The following KIAA0040 variants were observed in gnomAD, a reference collection of about 807,000 sequenced individuals.
KIAA0040 encodes KIAA0040.
KIAA0040 carries 10 observed loss-of-function variants against 7.2 expected under a neutral mutation model. That is an observed-to-expected ratio of 1.38 (90% CI 0.85 to 2.34). The LOEUF is 2.34. Among genes scored for constraint, KIAA0040 ranks in the 30% most tolerant of loss-of-function variants. The pLI is 0.00. For missense variants in KIAA0040, 89 were observed against 108.2 expected, an observed-to-expected ratio of 0.82 and a Z score of 0.79; for synonymous variants, 49 against 40.1, an observed-to-expected ratio of 1.22 and a Z score of -0.84.
chr1:175,189,461 C>T (rs558370513), intron 1 of KIAA0040, among the ~76,000 whole-genome samples: 1 of 152,314 alleles, frequency 6.6e-6, no homozygotes, highest in Non-Finnish European at 1.5e-5. Context: ...GTGCAGTACA[C>T]AACCTGCACA....
chr1:175,165,879 T>C (rs1676741736), intron 3 of KIAA0040, among the ~76,000 whole-genome samples: 1 of 150,256 alleles, frequency 6.7e-6, no homozygotes, highest in Non-Finnish European at 1.5e-5. Context: ...GGGCGTTCTA[T>C]TCTGCATCAG....
At chr1:175,172,548 G>A (rs1300691085) in intron 2 of KIAA0040, among the ~76,000 whole-genome samples, 2 of 152,192 alleles carry the variant, frequency 1.3e-5, no homozygotes, top group African/African-American at 4.8e-5. Context: ...CTCCAGTCCA[G>A]GTGACAGGGT....
chr1:175,163,063 G>A (rs766898638), intron 3 of KIAA0040, among the ~76,000 whole-genome samples: 24 of 152,170 alleles, frequency 1.6e-4, no homozygotes, highest in Admixed American at 3.3e-4. Context: ...CACACGGTGA[G>A]TGAGTGCCAG....
At position 175,177,596 on chromosome 1, in the gene KIAA0040, G is replaced by A. The variant is rs1201316524; in HGVS notation, c.-310+15C>T. 6.6e-6 allele frequency: 1 copy of A among 152,214 alleles called. No individual in the cohort carries two copies. The allele number at this position is 152,214 out of a possible 1,614,324, so 9.4% of individuals were successfully genotyped here. A position where few individuals can be genotyped will look rare whatever the true frequency, so the allele number is the denominator to read the frequency against. ...AAGCTAATAGATTGAGGAATGAGAAGAAGTTACAACTCACTCAGTGTGTGT... is the reference window on the plus strand; with the variant it reads ...AAGCTAATAGATTGAGGAATGAGAAAAAGTTACAACTCACTCAGTGTGTGT... On this transcript the variant is annotated intron_variant, in intron 2 of 3. Coordinates refer to ENST00000423313, the MANE Select transcript of KIAA0040 (RefSeq NM_014656.3).
In KIAA0040 at chr1:175,160,729, T is replaced by C. The variant is rs758550172; in HGVS notation, c.285A>G (p.Pro95=). ...QPKLLQMEKR[P]SLPV ...TCCTGCCTAACTAAACAGGCAGTGA[T>C]GGTCTCTTCTCCATCTGGAGAAGCT... Residue 95 remains proline (P), a synonymous_variant, in exon 4 of 4, where the codon CCA becomes CCG. Coordinates refer to ENST00000423313, the MANE Select transcript of KIAA0040 (RefSeq NM_014656.3). 1.3e-6 allele frequency: 2 copies of C among 1,547,996 alleles called. No homozygotes were observed. Among genetic ancestry groups the C allele is most frequent in the Non-Finnish European group, 1.7e-6 (2 of 1,146,360 alleles).
In KIAA0040 at chr1:175,160,600, T is replaced by C; in HGVS notation, c.*114A>G. On this transcript the variant is annotated 3_prime_UTR_variant, in exon 4 of 4. Transcript: ENST00000423313. ...GTCTGAGGTTTGTTCCTTGGTTGAG[T>C]AGTTACTCTGTGGACATGGACATAG... 9 of 1,038,342 alleles carry C rather than the reference T, an allele frequency of 8.7e-6. No homozygotes were observed. The highest frequency in any genetic ancestry group is 3.5e-5 in the South Asian group (2 of 57,596). 64.3% of individuals were successfully genotyped at this position (1,038,342 alleles called of 1,614,324 possible). A position where few individuals can be genotyped will look rare whatever the true frequency, so the allele number is the denominator to read the frequency against.
Position 175,160,762 on chromosome 1 carries a change from A to G in KIAA0040, c.252T>C (p.Ala84=). ...KKDEEDLWIS[A]QPKLLQMEKR... ...TCTCCATCTGGAGAAGCTTGGGTTG[A>G]GCAGAGATCCAGAGGTCTTCTTCAT... The change falls in exon 4 of 4, where the codon GCT becomes GCC. Residue 84 remains alanine, a synonymous_variant. Coordinates refer to ENST00000423313, the MANE Select transcript of KIAA0040 (RefSeq NM_014656.3). 1 of 1,549,598 alleles carries G rather than the reference A, an allele frequency of 6.5e-7. No individual in the cohort carries two copies. The highest frequency in any genetic ancestry group is 8.7e-7 in the Non-Finnish European group (1 of 1,146,938).
intron 1 of KIAA0040, among the ~76,000 whole-genome samples, chr1:175,188,465 C>T (rs894954541): frequency 6.6e-6 from 1 of 152,184 alleles, no homozygotes; most frequent in African/African-American, 2.4e-5. Context: ...GTCTTTATCT[C>T]CCTTACTGTG....
intron 1 of KIAA0040, among the ~76,000 whole-genome samples, chr1:175,178,179 C>T (rs1677281361): frequency 6.6e-6 from 1 of 152,178 alleles, no homozygotes; most frequent in Admixed American, 6.5e-5. Flanking sequence ...AACTTGAATC[C>T]TCCATGTGTA....
intron 1 of KIAA0040, among the ~76,000 whole-genome samples, chr1:175,182,547 C>T (rs575225092): frequency 6.6e-6 from 1 of 152,300 alleles, no homozygotes; most frequent in South Asian, 2.1e-4. Context: ...AGAGGCTGCA[C>T]AGTGGAAGCC....
chr1:175,176,190 T>C (rs186347006), intron 2 of KIAA0040, among the ~76,000 whole-genome samples: 1 of 152,316 alleles, frequency 6.6e-6, no homozygotes, highest in East Asian at 1.9e-4. Context: ...TGAAAACTAA[T>C]GAAGTGGCAA....
intron 3 of KIAA0040, among the ~76,000 whole-genome samples, chr1:175,162,397 A>C (rs1558388432): frequency 6.6e-6 from 1 of 152,058 alleles, no homozygotes; most frequent in Admixed American, 6.5e-5. Context: ...CCCAGGCCAC[A>C]CAGGCCCACC....
intron 3 of KIAA0040, among the ~76,000 whole-genome samples, chr1:175,164,087 T>C (rs1676659088): frequency 6.6e-6 from 1 of 152,012 alleles, no homozygotes; most frequent in Non-Finnish European, 1.5e-5. Context: ...GAAGGGACAC[T>C]AGGAGGTAGG....
At chr1:175,165,169 C>T (rs1420014939) in intron 3 of KIAA0040, among the ~76,000 whole-genome samples, 3 of 152,092 alleles carry the variant, frequency 2.0e-5, no homozygotes, top group African/African-American at 4.8e-5. Flanking sequence ...CTCTTTCTGT[C>T]GCAAACTTCT....
At chr1:175,192,321 A>T (rs927130116) in intron 1 of KIAA0040, among the ~76,000 whole-genome samples, 6 of 152,150 alleles carry the variant, frequency 3.9e-5, no homozygotes, top group African/African-American at 1.4e-4. Flanking sequence ...TTCTCAGTAA[A>T]AAACAGAATT....
At chr1:175,167,121 A>T (rs969505775) in intron 2 of KIAA0040, among the ~76,000 whole-genome samples, 1 of 152,192 alleles carries the variant, frequency 6.6e-6, no homozygotes. Flanking sequence ...GGAAACAGGG[A>T]GGTTAGGAAG....
chr1:175,189,243 T>C (rs1419482840), intron 1 of KIAA0040, among the ~76,000 whole-genome samples: 1 of 152,238 alleles, frequency 6.6e-6, no homozygotes, highest in Admixed American at 6.5e-5. Context: ...GATTCCCTGG[T>C]TGGGACAGGG....
chr1:175,191,033 C>T (rs1677847270), intron 1 of KIAA0040, among the ~76,000 whole-genome samples: 1 of 152,202 alleles, frequency 6.6e-6, no homozygotes. Flanking sequence ...GGATCTCCTG[C>T]CCTCTCCCCT....
At chr1:175,161,797 C>G (rs960925296) in intron 3 of KIAA0040, among the ~76,000 whole-genome samples, 2 of 152,156 alleles carry the variant, frequency 1.3e-5, no homozygotes, top group Non-Finnish European at 2.9e-5. Context: ...CTGAGAAGTC[C>G]TCTCCTCCCA....
Sources: gnomAD v4.1 joint callset for allele counts (sites outside exome capture counted in the v4.1 genomes callset) on GRCh38, gnomAD v4.1.1 for gene constraint, MANE v1.5 for transcripts, NCBI Gene and HGNC (gene_info 2026-07-23, HGNC 2026-07-21) for gene names.